SYMPK: variants seen among roughly 807,000 people sequenced by gnomAD.
SYMPK encodes the protein symplekin.
Under a neutral mutation model 136.4 loss-of-function variants are expected in SYMPK, and 49 were observed. The observed-to-expected ratio is 0.36, with a 90% confidence interval of 0.29 to 0.46. The LOEUF (loss-of-function observed/expected upper bound fraction) is 0.46. SYMPK is among the 20% of genes least tolerant of loss of function. SYMPK has a pLI of 1.00. For synonymous variants in SYMPK, 766 were observed against 713.0 expected (o/e 1.07, Z -1.19); for missense variants, 1,365 against 1,690.0 (o/e 0.81, Z 3.37).
intron 5 of SYMPK, 110 bp downstream of exon 5, chr19:45,852,202 G>C: frequency 9.1e-7 from 1 of 1,093,340 alleles, no homozygotes; most frequent in Admixed American, 1.7e-5. Flanking sequence ...AGAGAGAAAG[G>C]GTCTGGGAAG....
chr19:45,833,602 G>A lies in SYMPK; in HGVS notation c.1393+1476C>T, dbSNP rs201658381. On this transcript the variant is annotated intron_variant, in intron 11 of 26. Coordinates refer to ENST00000245934, the MANE Select transcript of SYMPK (RefSeq NM_004819.3). Reference sequence around the variant, plus strand: ...AGCCTGGGCAACAGAGTGAGAATCTGTCTCAAAAAATAAAAAATAAAAAAA... The same window carrying A: ...AGCCTGGGCAACAGAGTGAGAATCTATCTCAAAAAATAAAAAATAAAAAAA... Among the ~76,000 whole-genome samples, 6 of 152,060 alleles carry A rather than the reference G, an allele frequency of 3.9e-5. No individual in the cohort carries two copies. In the East Asian group the frequency reaches 1.2e-3, roughly 29 times the overall value.
chr19:45,824,840 A>C (rs1457632584), intron 18 of SYMPK, among the ~76,000 whole-genome samples: 1 of 152,230 alleles, frequency 6.6e-6, no homozygotes, highest in Non-Finnish European at 1.5e-5. Flanking sequence ...ACAGAGGTTT[A>C]TGTGCCTGAG....
chr19:45,830,539 A>G, intron 12 of SYMPK: 1 of 246,630 alleles, frequency 4.1e-6, no homozygotes, highest in Non-Finnish European at 8.2e-6. Context: ...CGAGTGGAGG[A>G]GGGGTGAGGG....
chr19:45,816,214 A>T (rs1469980291), intron 25 of SYMPK, 31 bp from the exon 26 acceptor site: 2 of 1,436,100 alleles, frequency 1.4e-6, no homozygotes, highest in Non-Finnish European at 1.9e-6. Flanking sequence ...ACAGAAGCTC[A>T]GAGGTGGGTG....
chr19:45,852,418 T>A (rs755203367), intron 4 of SYMPK, 33 bp from the exon 5 acceptor site: 2 of 1,613,878 alleles, frequency 1.2e-6, no homozygotes, highest in Admixed American at 3.3e-5. Context: ...GGATCAGGGC[T>A]ACACAAGGAT....
chr19:45,816,556 T>G lies in SYMPK; in HGVS notation c.3280A>C (p.Ile1094Leu). 6.2e-7 allele frequency: 1 copy of G among 1,613,602 alleles called. No homozygotes were observed. The highest frequency in any genetic ancestry group is 8.5e-7 in the Non-Finnish European group (1 of 1,179,934). ...CCGCTGGCCTCCAAGATGGTCATGA[T>G]GGAGTTAGGGATGTGAGCTTGCTGG... ...PHQQAHIPNS[I>L]MTILEASGKQ... The change falls in exon 25 of 27, where the codon ATC becomes CTC. Residue 1094 changes from isoleucine to leucine, a missense_variant. Around this residue, in one of 11 missense-constraint regions of SYMPK, gnomAD observed 341 missense variants for 270.5 expected, o/e 1.26. Coordinates refer to ENST00000245934, the MANE Select transcript of SYMPK (RefSeq NM_004819.3).
chr19:45,854,875 C>CTTT (rs373248557), intron 1 of SYMPK: 2 of 167,594 alleles, frequency 1.2e-5, no homozygotes, highest in Admixed American at 1.3e-4. Context: ...CCACAGCAAA[C>CTTT]TTTCTTTTTT....
Position 45,856,547 on chromosome 19 carries a change from A to C in SYMPK, c.-12-2040T>G, listed in dbSNP as rs374484167. On this transcript the variant is annotated intron_variant, in intron 1 of 26. Transcript: ENST00000245934. The stretch of plus-strand genomic sequence containing the variant: ...GGATAGTAACAGGGCTTACCTCCCA[A>C]GACTATTTTGAGGATTAAATGAGTT... Among the ~76,000 whole-genome samples the C allele has an allele frequency of 3.9e-5, 6 of 152,174 alleles. No homozygotes were observed. The East Asian group carries it at 5.8e-4, about 15-fold the overall frequency.
intron 12 of SYMPK, 88 bp downstream of exon 12, chr19:45,831,296 C>CACAT: frequency 9.2e-7 from 1 of 1,088,394 alleles, no homozygotes; most frequent in Non-Finnish European, 1.3e-6. Flanking sequence ...CACACACACG[C>CACAT]ACACGCACAC....
At chr19:45,844,273 C>A in intron 7 of SYMPK, 73 bp from the exon 8 acceptor site, 1 of 1,304,498 alleles carries the variant, frequency 7.7e-7, no homozygotes. Context: ...GCTTTTGGGA[C>A]TAAAAGGAAG....
At chr19:45,815,770 C>T (rs1600484591) in intron 26 of SYMPK, 73 bp from the exon 27 acceptor site, 1 of 1,585,910 alleles carries the variant, frequency 6.3e-7, no homozygotes, top group Non-Finnish European at 8.6e-7. Context: ...CAGGCCCTGC[C>T]CCCTGATGGC....
chr19:45,856,384 C>T (rs747649046), intron 1 of SYMPK, among the ~76,000 whole-genome samples: 8 of 152,008 alleles, frequency 5.3e-5, no homozygotes, highest in Admixed American at 2.0e-4. Context: ...AAAAGAGGTC[C>T]CTGACAGCCT....
chr19:45,825,735 G>A (rs1458074918), intron 17 of SYMPK, among the ~76,000 whole-genome samples: 4 of 152,138 alleles, frequency 2.6e-5, no homozygotes, highest in Admixed American at 2.0e-4. Context: ...TAACAGTCCC[G>A]AGGGCCCTGG....
At chr19:45,816,662 C>T (rs1970749320) in intron 24 of SYMPK, 85 bp from the exon 25 acceptor site, 3 of 1,572,488 alleles carry the variant, frequency 1.9e-6, no homozygotes, top group Non-Finnish European at 2.6e-6. Context: ...GGGCCCTAAC[C>T]CTCCAGAACT....
chr19:45,858,036 T>G (rs756848367), intron 1 of SYMPK, among the ~76,000 whole-genome samples: 1 of 152,086 alleles, frequency 6.6e-6, no homozygotes, highest in Admixed American at 6.6e-5. Flanking sequence ...TGACCTCAGG[T>G]GATCTGCCCA....
rs1334432706 is a variant in SYMPK at position 45,823,229 on chromosome 19, A to G, written c.2700+143T>C. ...GGGTACCCAGGTGTCGGCGGCTTCC[A>G]TGACTTCTGACCACAGGCAAGGTGC... On this transcript the variant is annotated intron_variant, in intron 20 of 26. Coordinates refer to ENST00000245934, the MANE Select transcript of SYMPK (RefSeq NM_004819.3). 15 of 838,160 alleles carry G rather than the reference A, an allele frequency of 1.8e-5. 1 individual carries two copies. The South Asian group carries it at 2.0e-4, about 11-fold the overall frequency. The allele number at this position is 838,160 out of a possible 1,614,324, so 51.9% of individuals were successfully genotyped here.
At chr19:45,820,880 GGA>G (rs1555793135) in intron 22 of SYMPK, 2 of 521,494 alleles carry the variant, frequency 3.8e-6, no homozygotes, top group Non-Finnish European at 6.7e-6. Flanking sequence ...AGGCGTTCAG[GGA>G]GAGCCCAGCG....
Position 45,829,338 on chromosome 19 carries a change from C to T in SYMPK, c.1750-133G>A, listed in dbSNP as rs971359039. On this transcript the variant is annotated intron_variant, in intron 13 of 26. Coordinates refer to ENST00000245934, the MANE Select transcript of SYMPK (RefSeq NM_004819.3). ...CAAGGAGTGAAGCGAGGAAGGCCAGCCGAGGACCCTTATGCCTAGGAAGGT... is the reference window on the plus strand; with the variant it reads ...CAAGGAGTGAAGCGAGGAAGGCCAGTCGAGGACCCTTATGCCTAGGAAGGT... The T allele has an allele frequency of 7.9e-6, 6 of 763,576 alleles. No individual in the cohort carries two copies. The African/African-American group carries it at 1.0e-4, about 13-fold the overall frequency. 47.3% of individuals were successfully genotyped at this position (763,576 alleles called of 1,614,324 possible). A position where few individuals can be genotyped will look rare whatever the true frequency, so the allele number is the denominator to read the frequency against.
At chr19:45,841,326 CTT>C (rs1053328058) in intron 9 of SYMPK, among the ~76,000 whole-genome samples, 1 of 145,938 alleles carries the variant, frequency 6.9e-6, no homozygotes, top group Non-Finnish European at 1.5e-5. Flanking sequence ...GAGTTTCACT[CTT>C]GTCACCCAGA....
Sources: gnomAD v4.1 joint callset for allele counts (sites outside exome capture counted in the v4.1 genomes callset) on GRCh38, gnomAD v4.1.1 for gene constraint, gnomAD v4.1.1 regional missense constraint, MANE v1.5 for transcripts, NCBI Gene and HGNC (gene_info 2026-07-23, HGNC 2026-07-21) for gene names.